Variants in CDKAL1 observed in about 807,000 individuals in gnomAD.
CDKAL1 encodes the protein threonylcarbamoyladenosine tRNA methylthiotransferase.
CDKAL1 carries 32 observed loss-of-function variants against 68.2 expected under a neutral mutation model. The observed-to-expected ratio is 0.47, with a 90% CI of 0.35 to 0.63. CDKAL1 has a LOEUF of 0.63. CDKAL1 is among the 30% of genes least tolerant of loss of function. The probability of loss-of-function intolerance (pLI) is 0.00; values close to 1 mark genes in which losing one functional copy is unlikely to be tolerated. For synonymous variants in CDKAL1, 234 were observed against 244.3 expected (o/e 0.96, Z 0.39); for missense variants, 606 against 696.7 (o/e 0.87, Z 1.47).
intron 8 of CDKAL1, among the ~76,000 whole-genome samples, chr6:20,791,268 A>G (rs1775886732): frequency 6.6e-6 from 1 of 152,212 alleles, no homozygotes; most frequent in Admixed American, 6.5e-5. Flanking sequence ...TAATCAGCAC[A>G]ATGCCTGGCA....
chr6:20,642,211 G>A (rs1768210819), intron 4 of CDKAL1, among the ~76,000 whole-genome samples: 1 of 152,054 alleles, frequency 6.6e-6, no homozygotes, highest in African/African-American at 2.4e-5. Context: ...AATAGAGGAA[G>A]TGTTCTAATA....
intron 4 of CDKAL1, among the ~76,000 whole-genome samples, chr6:20,575,078 C>G (rs1317645568): frequency 6.6e-6 from 1 of 151,636 alleles, no homozygotes; most frequent in Non-Finnish European, 1.5e-5. Flanking sequence ...CTTTCTTTTG[C>G]TGGGACAAAG....
At chr6:20,996,398 C>T (rs1767107919) in intron 10 of CDKAL1, among the ~76,000 whole-genome samples, 1 of 152,148 alleles carries the variant, frequency 6.6e-6, no homozygotes, top group African/African-American at 2.4e-5. Flanking sequence ...TGCCTTCTAG[C>T]TTTTGATTTA....
At chr6:20,582,192 T>C (rs565417929) in intron 4 of CDKAL1, among the ~76,000 whole-genome samples, 48 of 152,292 alleles carry the variant, frequency 3.2e-4, no homozygotes, top group African/African-American at 1.1e-3. Context: ...TGAGATATGC[T>C]ATGTGCTGAG....
chr6:21,112,069 A>AT (rs910259766), intron 13 of CDKAL1, among the ~76,000 whole-genome samples: 30 of 148,526 alleles, frequency 2.0e-4, no homozygotes, highest in South Asian at 1.3e-3. Context: ...CCTGGAGTTG[A>AT]TTTTTTTTTT....
At chr6:20,841,709 G>A (rs943387451) in intron 8 of CDKAL1, among the ~76,000 whole-genome samples, 3 of 152,098 alleles carry the variant, frequency 2.0e-5, no homozygotes, top group African/African-American at 7.2e-5. Context: ...CCCAGCCTGG[G>A]TAACATAGTG....
At chr6:20,614,191 TC>T (rs1180385538) in intron 4 of CDKAL1, among the ~76,000 whole-genome samples, 1 of 152,176 alleles carries the variant, frequency 6.6e-6, no homozygotes, top group African/African-American at 2.4e-5. Context: ...TCCAGATTTT[TC>T]CCCCTTTGCT....
In CDKAL1 at chr6:20,802,309, C is replaced by CAATAATAATAATAAT. The variant is rs202052759; in HGVS notation, c.638+21046_638+21047insTAATAATAATAATAA. On this transcript the variant is annotated intron_variant, in intron 8 of 15. Transcript: ENST00000274695. ...AAGACTCCGTCTCAAAAAACAACAA[C>CAATAATAATAATAAT]AACAACAATAATAATAATAATAATA... Among the ~76,000 whole-genome samples, 1,308 of 142,272 alleles carry CAATAATAATAATAAT rather than the reference C, an allele frequency of 9.2e-3. 15 individuals are homozygous for CAATAATAATAATAAT. Among genetic ancestry groups the CAATAATAATAATAAT allele is most frequent in the Middle Eastern group, 0.052 (14 of 268 alleles). 93.3% of individuals were successfully genotyped at this position (142,272 alleles called of 152,430 possible). A position where few individuals can be genotyped will look rare whatever the true frequency, so the allele number is the denominator to read the frequency against.
intron 10 of CDKAL1, among the ~76,000 whole-genome samples, chr6:20,986,882 T>C (rs1017783024): frequency 3.9e-5 from 6 of 152,194 alleles, no homozygotes; most frequent in Admixed American, 1.3e-4. Context: ...GAGAGTTTAC[T>C]ATGCATGCAA....
intron 9 of CDKAL1, among the ~76,000 whole-genome samples, chr6:20,865,398 A>G (rs12191898): frequency 0.11 from 16,120 of 152,210 alleles, 947 homozygotes; most frequent in African/African-American, 0.13. Context: ...GGCCCTGACA[A>G]TATTTCCCCA....
At chr6:20,606,096 ACTGTTCTGCAT>A (rs750895572) in intron 4 of CDKAL1, among the ~76,000 whole-genome samples, 7 of 152,148 alleles carry the variant, frequency 4.6e-5, no homozygotes, top group Admixed American at 3.9e-4. Flanking sequence ...CTCAGGGGTC[ACTGTTCTGCAT>A]TGTGTTATGT....
At chr6:20,700,673 AGATTCTACT>A (rs1033427003) in intron 5 of CDKAL1, among the ~76,000 whole-genome samples, 1 of 152,188 alleles carries the variant, frequency 6.6e-6, no homozygotes, top group Non-Finnish European at 1.5e-5. Context: ...TGCTACAGAA[AGATTCTACT>A]GATTGAGGCT....
At chr6:21,187,384 A>G (rs1045381336) in intron 13 of CDKAL1, among the ~76,000 whole-genome samples, 4 of 152,202 alleles carry the variant, frequency 2.6e-5, no homozygotes, top group African/African-American at 2.4e-5. Flanking sequence ...CTTCTATCCA[A>G]TCCAGCTCTG....
chr6:20,823,332 A>T (rs554994681), intron 8 of CDKAL1, among the ~76,000 whole-genome samples: 8 of 152,258 alleles, frequency 5.3e-5, no homozygotes, highest in African/African-American at 1.9e-4. Flanking sequence ...ATTCTACCCT[A>T]TTAGATTCTA....
Position 20,546,336 on chromosome 6 carries a change from T to G in CDKAL1, c.-5-10T>G, listed in dbSNP as rs1478414083. 6.3e-7 allele frequency: 1 copy of G among 1,579,214 alleles called. No individual in the cohort carries two copies. Among genetic ancestry groups the G allele is most frequent in the Admixed American group, 1.8e-5 (1 of 55,128 alleles). ...ATAAGTTGATTTTATTTATAACTTT[T>G]ATGTGGTAGAGAATATGCCTTCTGC... is the stretch of plus-strand genomic sequence containing the variant. On this transcript the variant is annotated splice_polypyrimidine_tract_variant and intron_variant, in intron 2 of 15. Transcript: ENST00000274695.
chr6:20,967,168 G>A (rs922050023), intron 10 of CDKAL1, among the ~76,000 whole-genome samples: 12 of 151,832 alleles, frequency 7.9e-5, no homozygotes, highest in Non-Finnish European at 5.9e-5. Context: ...ATTGGATTAG[G>A]GTCCACCTTA....
In CDKAL1 at chr6:20,984,818, G is replaced by T. The variant is rs866268080; in HGVS notation, c.910-15409G>T. On this transcript the variant is annotated intron_variant, in intron 10 of 15. Coordinates refer to ENST00000274695, the MANE Select transcript of CDKAL1 (RefSeq NM_017774.3). ...TTTTTATGGGCACAGTAACGGGGGG[G>T]GGTGGGGAAGGCTATGGGTGGTTTT... 8.7e-5 allele frequency among the ~76,000 whole-genome samples: 13 copies of T among 148,898 alleles called. No individual in the cohort carries two copies. The East Asian group carries it at 1.5e-3, about 17-fold the overall frequency.
At chr6:21,042,342 C>T (rs2150896767) in intron 11 of CDKAL1, among the ~76,000 whole-genome samples, 1 of 152,220 alleles carries the variant, frequency 6.6e-6, no homozygotes, top group East Asian at 1.9e-4. Context: ...AACCTCACTG[C>T]ACATGAAGCA....
At chr6:20,783,230 G>A (rs1775510416) in intron 8 of CDKAL1, among the ~76,000 whole-genome samples, 1 of 152,030 alleles carries the variant, frequency 6.6e-6, no homozygotes, top group African/African-American at 2.4e-5. Flanking sequence ...GCACCCAGCT[G>A]AAAAATGCCG....
Sources: allele counts gnomAD v4.1 joint callset (sites outside exome capture counted in the v4.1 genomes callset), GRCh38; gene constraint gnomAD v4.1.1; transcripts MANE v1.5; gene names NCBI Gene and HGNC (gene_info 2026-07-23, HGNC 2026-07-21).